CACNB3: variants seen among roughly 807,000 people sequenced by gnomAD.
The protein encoded by CACNB3 is calcium voltage-gated channel auxiliary subunit beta 3.
Under a neutral mutation model 63.7 loss-of-function variants are expected in CACNB3, and 36 were observed. The observed-to-expected ratio is 0.57, with a 90% CI of 0.43 to 0.75. The LOEUF is 0.75. Ranked by LOEUF, CACNB3 falls within the 30% of genes least tolerant of loss-of-function variation. The probability of loss-of-function intolerance (pLI) is 0.00; values close to 1 mark genes in which losing one functional copy is unlikely to be tolerated. For missense variants in CACNB3, 493 were observed against 648.6 expected, an observed-to-expected ratio of 0.76 and a Z score of 2.61; for synonymous variants, 241 against 250.6, an observed-to-expected ratio of 0.96 and a Z score of 0.36.
rs987151894 is a variant in CACNB3 at position 48,827,488 on chromosome 12, G to C, written c.1141-97G>C. 16 of 1,150,872 alleles carry C rather than the reference G, an allele frequency of 1.4e-5. No homozygotes were observed. In the South Asian group the frequency reaches 2.2e-4, roughly 16 times the overall value. The allele number at this position is 1,150,872 out of a possible 1,614,324, so 71.3% of individuals were successfully genotyped here. On this transcript the variant is annotated intron_variant, in intron 12 of 12. Transcript: ENST00000301050. ...TTTTCCTTGCACTATTTCCTTTACC[G>C]GGGAATTGAGAGTTGAGGGGGGAAG...
Position 48,826,654 on chromosome 12 carries a change from C to A in CACNB3, c.895-105C>A. 7.1e-7 allele frequency: 1 copy of A among 1,413,160 alleles called. No individual in the cohort carries two copies. The highest frequency in any genetic ancestry group is 1.0e-6 in the Non-Finnish European group (1 of 1,002,280). The allele number at this position is 1,413,160 out of a possible 1,614,324, so 87.5% of individuals were successfully genotyped here. ...TTAACACAACTCTGAGTCATCCTCA[C>A]CTGCTACTGATGCCACAAGTGGAAG... On this transcript the variant is annotated intron_variant, in intron 10 of 12. Coordinates refer to ENST00000301050, the MANE Select transcript of CACNB3 (RefSeq NM_000725.4). The surrounding 1 kb of genome is among the most constrained non-coding windows in gnomAD (Gnocchi z 4.8).
rs151098960 is a variant in CACNB3, at chr12:48,827,625, C to T, written c.1181C>T (p.Pro394Leu). Residue 394 changes from proline to leucine, a missense_variant, in exon 13 of 13, where the codon CCC (proline) becomes CTC (leucine). By Grantham distance (98) the Pro-to-Leu change is moderately conservative (BLOSUM62 -3). Coordinates refer to ENST00000301050, the MANE Select transcript of CACNB3 (RefSeq NM_000725.4). The part of the protein sequence containing the change: ...LLGERGEEHS[P>L]LERDSLMPSD... Reference sequence around the variant, plus strand: ...GGGGAGCGTGGCGAGGAGCACTCCCCCCTTGAGCGGGACAGCTTGATGCCC... The same window carrying T: ...GGGGAGCGTGGCGAGGAGCACTCCCTCCTTGAGCGGGACAGCTTGATGCCC... 1.5e-5 allele frequency: 24 copies of T among 1,613,518 alleles called. No individual in the cohort carries two copies. The highest frequency in any genetic ancestry group is 1.9e-5 in the Non-Finnish European group (23 of 1,179,970).
In CACNB3 at chr12:48,823,807, A is replaced by G. The variant is rs1313879168; in HGVS notation, c.291+4A>G. The G allele has an allele frequency of 6.2e-7, 1 of 1,613,978 alleles. No homozygotes were observed. The highest frequency in any genetic ancestry group is 8.5e-7 in the Non-Finnish European group (1 of 1,179,964). On this transcript the variant is annotated splice_donor_region_variant and intron_variant, in intron 3 of 12. Transcript: ENST00000301050. The surrounding 1 kb of genome is among the most constrained non-coding windows in gnomAD (Gnocchi z 4.2). ...AGATTTTCTGCACATTAAAGAGGTG[A>G]TCGACCCCCCTACTTCCAGAAGCCT...
Position 48,825,110 on chromosome 12 carries a change from A to T in CACNB3, c.493-53A>T. 1 of 1,601,482 alleles carries T rather than the reference A, an allele frequency of 6.2e-7. No homozygotes were observed. The highest frequency in any genetic ancestry group is 8.6e-7 in the Non-Finnish European group (1 of 1,168,726). On this transcript the variant is annotated intron_variant, in intron 6 of 12. Transcript: ENST00000301050. This position sits in a 1 kb window ranked among gnomAD's most constrained non-coding sequence, Gnocchi z 4.5. The stretch of plus-strand genomic sequence containing the variant: ...GGATCTGCCCTGACGCCAACCAGGC[A>T]TGAGACAGGCACCAGGGCCATGGTT...
At position 48,826,145 on chromosome 12, in the gene CACNB3, T is replaced by C. The variant is rs575788885; in HGVS notation, c.743-222T>C. The C allele has an allele frequency of 1.2e-5, 7 of 589,468 alleles. No homozygotes were observed. Among genetic ancestry groups the C allele is most frequent in the Admixed American group, 3.0e-5 (1 of 33,642 alleles). The allele number at this position is 589,468 out of a possible 1,614,324, so 36.5% of individuals were successfully genotyped here. A position where few individuals can be genotyped will look rare whatever the true frequency, so the allele number is the denominator to read the frequency against. ...TGCCTGGCCCCTCTTCCCTTTTCTC[T>C]TCCTTACCTCCTTGTCTTTCTGCCC... On this transcript the variant is annotated intron_variant, in intron 9 of 12. Transcript: ENST00000301050. This position sits in a 1 kb window ranked among gnomAD's most constrained non-coding sequence, Gnocchi z 4.8.
At chr12:48,822,480 C>T (rs1362568574) in intron 1 of CACNB3, among the ~76,000 whole-genome samples, 1 of 152,164 alleles carries the variant, frequency 6.6e-6, no homozygotes, top group Non-Finnish European at 1.5e-5. Context: ...GGGTCCTGCT[C>T]CGTAGCTAGG....
In CACNB3 at chr12:48,826,058, A is replaced by G. The variant is rs1938121700; in HGVS notation, c.742+289A>G. Among the ~76,000 whole-genome samples the G allele has an allele frequency of 6.6e-6, 1 of 151,976 alleles. No homozygotes were observed. The highest frequency in any genetic ancestry group is 1.9e-4 in the East Asian group (1 of 5,168). On this transcript the variant is annotated intron_variant, in intron 9 of 12. Transcript: ENST00000301050. The surrounding 1 kb of genome is among the most constrained non-coding windows in gnomAD (Gnocchi z 4.8). Reference sequence around the variant, plus strand: ...TGGCCAGGCTGGTCTCGAACTCCTGACCTCAAGTGATCGGCCCACCTTGGC... The same window carrying G: ...TGGCCAGGCTGGTCTCGAACTCCTGGCCTCAAGTGATCGGCCCACCTTGGC...
At chr12:48,817,361 C>T (rs1401076962), upstream of CACNB3, 1 of 152,196 alleles carries the variant, frequency 6.6e-6, no homozygotes, top group East Asian at 1.9e-4. Context: ...ATTTCTGATT[C>T]TCCTCAAGCC....
In CACNB3 at chr12:48,824,713, G is replaced by A. The variant is rs150148551; in HGVS notation, c.452G>A (p.Arg151His). 22 of 1,613,394 alleles carry A rather than the reference G, an allele frequency of 1.4e-5. No homozygotes were observed. The highest frequency in any genetic ancestry group is 1.6e-4 in the Middle Eastern group (1 of 6,084). Residue 151 changes from arginine (R) to histidine (H), a missense_variant, in exon 5 of 13, where the codon CGC (arginine) becomes CAC (histidine). Arg to His is a conservative substitution (Grantham distance 29). Coordinates refer to ENST00000301050, the MANE Select transcript of CACNB3 (RefSeq NM_000725.4). ...PSSLSDIGNRRSPPPSLAKQK... is the reference protein window; with the variant it reads ...PSSLSDIGNRHSPPPSLAKQK... ...AGCCTGAGTGACATTGGCAACCGAC[G>A]CTCCCCTCCGCCATCTCTAGGTAGC...
chr12:48,826,665 T>TG lies in CACNB3; in HGVS notation c.895-93dup. 3 of 1,414,590 alleles carry TG rather than the reference T, an allele frequency of 2.1e-6. No individual in the cohort carries two copies. The highest frequency in any genetic ancestry group is 1.2e-5 in the South Asian group (1 of 85,102). 87.6% of individuals were successfully genotyped at this position (1,414,590 alleles called of 1,614,324 possible). On this transcript the variant is annotated intron_variant, in intron 10 of 12. Coordinates refer to ENST00000301050, the MANE Select transcript of CACNB3 (RefSeq NM_000725.4). The surrounding 1 kb of genome is among the most constrained non-coding windows in gnomAD (Gnocchi z 4.8). ...CTGAGTCATCCTCACCTGCTACTGA[T>TG]GCCACAAGTGGAAGAAATGCCTAGC...
At position 48,827,000 on chromosome 12, in the gene CACNB3, G is replaced by GA; in HGVS notation, c.1019dup (p.Asn340LysfsTer8). 1.2e-6 allele frequency: 2 copies of GA among 1,614,130 alleles called. No homozygotes were observed. Among genetic ancestry groups the GA allele is most frequent in the Non-Finnish European group, 1.7e-6 (2 of 1,180,032 alleles). On this transcript the variant is annotated frameshift_variant, in exon 12 of 13. Transcript: ENST00000301050. LOFTEE classifies it high-confidence loss of function. This position sits in a 1 kb window ranked among gnomAD's most constrained non-coding sequence, Gnocchi z 4.8. ...AGTCATTTGATGTGATTCTGGATGA[G>GA]AACCAGCTGGAGGATGCCTGTGAGC...
chr12:48,824,033 T>TC, intron 3 of CACNB3: 1 of 671,468 alleles, frequency 1.5e-6, no homozygotes, highest in Non-Finnish European at 2.5e-6. Flanking sequence ...AGCAGTTAGA[T>TC]TAGCTGCCTC....
rs1222950897 is a variant in CACNB3 at position 48,818,700 on chromosome 12, G to A, written c.-230G>A. On this transcript the variant is annotated 5_prime_UTR_variant, in exon 1 of 13. Transcript: ENST00000301050. The surrounding 1 kb of genome is among the most constrained non-coding windows in gnomAD (Gnocchi z 4.3). ...GCGCCAGATTCCTCAGCCGCGCTCG[G>A]GGTGGGACCGGCTGGGTTTGGGGGG... 2 of 1,266,482 alleles carry A rather than the reference G, an allele frequency of 1.6e-6. No homozygotes were observed. Among genetic ancestry groups the A allele is most frequent in the Non-Finnish European group, 2.0e-6 (2 of 1,007,366 alleles). 78.5% of individuals were successfully genotyped at this position (1,266,482 alleles called of 1,614,324 possible).
chr12:48,828,786 C>CTTGT lies in CACNB3; in HGVS notation c.*889_*892dup. On this transcript the variant is annotated 3_prime_UTR_variant, in exon 13 of 13. Coordinates refer to ENST00000301050, the MANE Select transcript of CACNB3 (RefSeq NM_000725.4). ...TTTGTTCCCTGACTCATAGCTGCCG[C>CTTGT]TTGTTAGGTTAGGGTTAGATGGGGA... 2.2e-6 allele frequency: 1 copy of CTTGT among 456,372 alleles called. No homozygotes were observed. The highest frequency in any genetic ancestry group is 4.4e-6 in the Non-Finnish European group (1 of 226,754). The allele number at this position is 456,372 out of a possible 1,614,324, so 28.3% of individuals were successfully genotyped here. A position where few individuals can be genotyped will look rare whatever the true frequency, so the allele number is the denominator to read the frequency against.
chr12:48,824,630 A>C, intron 4 of CACNB3, 39 bp from the exon 5 acceptor site: 9 of 1,508,652 alleles, frequency 6.0e-6, no homozygotes, highest in Non-Finnish European at 8.3e-6. Context: ...ACAGAGACAC[A>C]TTCTTCTCTC....
In CACNB3 at chr12:48,824,370, C is replaced by T; in HGVS notation, c.404C>T (p.Ala135Val). ...ATCCGGCTCAAACAGGAGCAGAAGG[C>T]CAGGTGAGAGTTGGGCCATGAGTCA... ...ESIRLKQEQK[A>V]RRSGNPSSLS... The change falls in exon 4 of 13, where the codon GCC becomes GTC. Residue 135 changes from alanine to valine, a missense_variant. Ala to Val is a moderately conservative substitution (Grantham distance 64). Transcript: ENST00000301050. 2 of 1,604,276 alleles carry T rather than the reference C, an allele frequency of 1.2e-6. No homozygotes were observed. The highest frequency in any genetic ancestry group is 8.5e-7 in the Non-Finnish European group (1 of 1,175,812).
In CACNB3 at chr12:48,824,734, G is replaced by A; in HGVS notation, c.472+1G>A. 6.2e-7 allele frequency: 1 copy of A among 1,613,488 alleles called. No homozygotes were observed. The highest frequency in any genetic ancestry group is 8.5e-7 in the Non-Finnish European group (1 of 1,179,904). ...CGACGCTCCCCTCCGCCATCTCTAG[G>A]TAGCCTCCCCCCAACCCACCCATTT... On this transcript the variant is annotated splice_donor_variant, in intron 5 of 12. Coordinates refer to ENST00000301050, the MANE Select transcript of CACNB3 (RefSeq NM_000725.4). LOFTEE classifies it high-confidence loss of function.
upstream of CACNB3, chr12:48,815,525 G>A: frequency 6.9e-7 from 1 of 1,449,658 alleles, no homozygotes; most frequent in Non-Finnish European, 9.1e-7. Flanking sequence ...GAGAAAGAGG[G>A]AGGGAACCAG....
chr12:48,818,685 C>G lies in CACNB3; in HGVS notation c.-245C>G. The stretch of plus-strand genomic sequence containing the variant: ...TTGTTGTAGGAGCCGGCGCCAGATT[C>G]CTCAGCCGCGCTCGGGGTGGGACCG... On this transcript the variant is annotated 5_prime_UTR_variant, in exon 1 of 13. Coordinates refer to ENST00000301050, the MANE Select transcript of CACNB3 (RefSeq NM_000725.4). The surrounding 1 kb of genome is among the most constrained non-coding windows in gnomAD (Gnocchi z 4.3). 1 of 1,240,574 alleles carries G rather than the reference C, an allele frequency of 8.1e-7. No individual in the cohort carries two copies. Among genetic ancestry groups the G allele is most frequent in the Non-Finnish European group, 1.0e-6 (1 of 991,850 alleles). The allele number at this position is 1,240,574 out of a possible 1,614,324, so 76.8% of individuals were successfully genotyped here.
Sources: gnomAD v4.1 joint callset for allele counts (sites outside exome capture counted in the v4.1 genomes callset) on GRCh38, gnomAD v4.1.1 for gene constraint, Gnocchi (gnomAD v3.1) non-coding constraint, MANE v1.5 for transcripts, NCBI Gene and HGNC (gene_info 2026-07-23, HGNC 2026-07-21) for gene names.